RRN3: variants seen among roughly 807,000 people sequenced by gnomAD.
The protein encoded by RRN3 is RNA polymerase I-specific transcription initiation factor RRN3.
A neutral mutation model predicts 82.3 loss-of-function variants in RRN3; 38 were observed. The observed-to-expected ratio is 0.46, with a 90% CI of 0.36 to 0.61. The LOEUF (loss-of-function observed/expected upper bound fraction) is 0.61, where lower values mean the gene tolerates loss of function less well. Ranked by LOEUF, RRN3 falls within the 20% of genes least tolerant of loss-of-function variation. The pLI is 0.00. For synonymous variants in RRN3, 284 were observed against 284.3 expected (o/e 1.00, Z 0.01); for missense variants, 726 against 793.1 (o/e 0.92, Z 1.02).
intron 3 of RRN3, among the ~76,000 whole-genome samples, chr16:15,089,289 C>G (rs1381710695): frequency 6.6e-6 from 1 of 151,952 alleles, no homozygotes; most frequent in East Asian, 1.9e-4. Flanking sequence ...AGACTCTGTT[C>G]TGCCCGTCCC....
At chr16:15,076,698 A>C in intron 9 of RRN3, 48 bp from the exon 10 acceptor site, 1 of 1,332,064 alleles carries the variant, frequency 7.5e-7, no homozygotes, top group Non-Finnish European at 1.1e-6. Flanking sequence ...TAAAAAATAC[A>C]ACTATGTTAT....
chr16:15,073,592 T>C (rs2045331878), intron 11 of RRN3, among the ~76,000 whole-genome samples: 1 of 152,208 alleles, frequency 6.6e-6, no homozygotes, highest in South Asian at 2.1e-4. Flanking sequence ...TCACACACTG[T>C]GGCAAGGTCA....
At chr16:15,082,013 T>C (rs2045726646) in intron 8 of RRN3, among the ~76,000 whole-genome samples, 1 of 152,226 alleles carries the variant, frequency 6.6e-6, no homozygotes, top group African/African-American at 2.4e-5. Flanking sequence ...ATTTCTTGTG[T>C]GTGTGTAAAC....
At chr16:15,092,135 C>A (rs1263148502) in intron 2 of RRN3, among the ~76,000 whole-genome samples, 2 of 152,142 alleles carry the variant, frequency 1.3e-5, no homozygotes, top group East Asian at 3.8e-4. Context: ...GCCGAGGTCA[C>A]GCCACTGCAC....
intron 3 of RRN3, among the ~76,000 whole-genome samples, chr16:15,088,883 G>C (rs1266757832): frequency 6.6e-6 from 1 of 151,948 alleles, no homozygotes; most frequent in African/African-American, 2.4e-5. Flanking sequence ...CTCAATGAAG[G>C]AACAACCATG....
chr16:15,065,738 T>C (rs1179803750), intron 15 of RRN3, among the ~76,000 whole-genome samples: 3 of 152,168 alleles, frequency 2.0e-5, no homozygotes, highest in Non-Finnish European at 4.4e-5. Flanking sequence ...GTCTTTATTT[T>C]TACTGTTTGC....
Position 15,086,400 on chromosome 16 carries a change from T to A in RRN3, c.307A>T (p.Thr103Ser). 7 of 1,613,808 alleles carry A rather than the reference T, an allele frequency of 4.3e-6. No individual in the cohort carries two copies. Among genetic ancestry groups the A allele is most frequent in the Non-Finnish European group, 5.1e-6 (6 of 1,179,792 alleles). Residue 103 changes from threonine (T) to serine (S), a missense_variant, in exon 4 of 18, where the codon ACA becomes TCA. Thr to Ser is a moderately conservative substitution (Grantham distance 58). Transcript: ENST00000198767. Reference protein sequence around the residue: ...LEFRSSIMYLTKDFEQLISII... With the variant: ...LEFRSSIMYLSKDFEQLISII... ...CTGATAAGTTGCTCAAAGTCTTTTG[T>A]CAAGTACATGATAGAAGAACGGAAT...
At chr16:15,068,412 G>T (rs1185613666) in intron 14 of RRN3, 135 bp from the exon 15 acceptor site, 7 of 1,167,210 alleles carry the variant, frequency 6.0e-6, no homozygotes, top group Non-Finnish European at 8.2e-6. Context: ...TTTAAATAAA[G>T]GTCCATGCAG....
chr16:15,077,202 C>T (rs1295741926), intron 9 of RRN3, among the ~76,000 whole-genome samples: 3 of 151,908 alleles, frequency 2.0e-5, no homozygotes, highest in Admixed American at 1.3e-4. Context: ...TGGTCTCGAA[C>T]TCCTGACCTC....
intron 9 of RRN3, 48 bp downstream of exon 9, chr16:15,079,949 CA>C: frequency 3.3e-6 from 5 of 1,518,364 alleles, no homozygotes; most frequent in Non-Finnish European, 4.5e-6. Context: ...GTGATTATAA[CA>C]AATTCAAGTC....
intron 17 of RRN3, among the ~76,000 whole-genome samples, chr16:15,062,221 T>C (rs1454780931): frequency 6.6e-6 from 1 of 152,148 alleles, no homozygotes; most frequent in Non-Finnish European, 1.5e-5. Flanking sequence ...ACATAACTGC[T>C]CATCACACAT....
intron 10 of RRN3, among the ~76,000 whole-genome samples, chr16:15,075,569 T>C (rs2045419587): frequency 7.2e-6 from 1 of 138,244 alleles, no homozygotes; most frequent in Admixed American, 7.8e-5. Context: ...TGAGACCCTG[T>C]CTCAAATTAA....
At chr16:15,087,986 T>C (rs1478391934) in intron 3 of RRN3, among the ~76,000 whole-genome samples, 1 of 152,040 alleles carries the variant, frequency 6.6e-6, no homozygotes, top group Non-Finnish European at 1.5e-5. Flanking sequence ...TGGTGGTGCA[T>C]GCCCGTAATC....
chr16:15,091,673 C>A (rs1048523027), intron 2 of RRN3, among the ~76,000 whole-genome samples: 9 of 152,160 alleles, frequency 5.9e-5, no homozygotes, highest in African/African-American at 2.2e-4. Context: ...AAACAGCCAG[C>A]TATAATGATC....
In RRN3 at chr16:15,077,470, C is replaced by T. The variant is rs192736242; in HGVS notation, c.766-820G>A. Among the ~76,000 whole-genome samples, 813 of 152,182 alleles carry T rather than the reference C, an allele frequency of 5.3e-3. 6 individuals carry two copies. Among genetic ancestry groups the T allele is most frequent in the African/African-American group, 0.018 (760 of 41,504 alleles). ...CATCTTCCTCATTTTCTCTTGCCGCCACCATGTAAGAAGTGCCTTTCACCT... is the reference window on the plus strand; with the variant it reads ...CATCTTCCTCATTTTCTCTTGCCGCTACCATGTAAGAAGTGCCTTTCACCT... On this transcript the variant is annotated intron_variant, in intron 9 of 17. Coordinates refer to ENST00000198767, the MANE Select transcript of RRN3 (RefSeq NM_018427.5).
chr16:15,067,315 T>G (rs1024683150), intron 15 of RRN3, among the ~76,000 whole-genome samples: 2 of 146,410 alleles, frequency 1.4e-5, no homozygotes, highest in African/African-American at 5.0e-5. Flanking sequence ...AGTGAAAGCT[T>G]ACAAAGGAGC....
In RRN3 at chr16:15,061,709, C is replaced by A. The variant is rs1218268080; in HGVS notation, c.*35G>T. The A allele has an allele frequency of 3.1e-6, 5 of 1,589,552 alleles. No individual in the cohort carries two copies. The highest frequency in any genetic ancestry group is 4.3e-6 in the Non-Finnish European group (5 of 1,160,884). On this transcript the variant is annotated 3_prime_UTR_variant, in exon 18 of 18. Transcript: ENST00000198767. The stretch of plus-strand genomic sequence containing the variant: ...GAGGGCATGACAAGTGATGGGGAAT[C>A]CCAAATGTCACATCTCAGTCACAAA...
intron 16 of RRN3, among the ~76,000 whole-genome samples, chr16:15,063,719 A>AG (rs2044825444): frequency 6.6e-6 from 1 of 151,108 alleles, no homozygotes; most frequent in Non-Finnish European, 1.5e-5. Context: ...AAAAAAAAAA[A>AG]AAAGAAAAAA....
chr16:15,087,826 T>A (rs993788948), intron 3 of RRN3, among the ~76,000 whole-genome samples: 26 of 152,244 alleles, frequency 1.7e-4, no homozygotes, highest in South Asian at 8.3e-4. Flanking sequence ...TTTTTAAAAG[T>A]AAATCAGGCT....
Sources: allele counts gnomAD v4.1 joint callset (sites outside exome capture counted in the v4.1 genomes callset), GRCh38; gene constraint gnomAD v4.1.1; transcripts MANE v1.5; gene names NCBI Gene and HGNC (gene_info 2026-07-23, HGNC 2026-07-21).